IL20RB: variants seen among roughly 807,000 people sequenced by gnomAD.
The protein encoded by IL20RB is interleukin-20 receptor subunit beta.
In IL20RB, 21 loss-of-function variants were observed where a neutral mutation model predicts 33.3. That is an observed-to-expected ratio of 0.63 (90% CI 0.45 to 0.91). The LOEUF is 0.91. IL20RB is among the 40% of genes least tolerant of loss of function. The pLI is 0.00. For missense variants in IL20RB, 345 were observed against 384.8 expected (o/e 0.90, Z 0.86); for synonymous variants, 147 against 146.8 (o/e 1.00, Z -0.01).
At chr3:136,961,717 G>T (rs1476160761) in intron 1 of IL20RB, among the ~76,000 whole-genome samples, 1 of 152,140 alleles carries the variant, frequency 6.6e-6, no homozygotes, top group Admixed American at 6.5e-5. Context: ...TAATGATAAT[G>T]TGCCAGTACT....
Position 136,958,167 on chromosome 3 carries a change from G to T in IL20RB, c.54G>T (p.Trp18Cys), listed in dbSNP as rs1254222712. 9.9e-6 allele frequency: 16 copies of T among 1,611,398 alleles called. No homozygotes were observed. The highest frequency in any genetic ancestry group is 1.2e-5 in the Non-Finnish European group (14 of 1,177,590). Residue 18 changes from tryptophan to cysteine, a missense_variant, in exon 1 of 7, where the codon TGG (tryptophan) becomes TGT (cysteine). By Grantham distance (215) the Trp-to-Cys change is radical. Coordinates refer to ENST00000329582, the MANE Select transcript of IL20RB (RefSeq NM_144717.4). ...LEEIWTSLFM[W>C]FFYALIPCLL... The stretch of plus-strand genomic sequence containing the variant: ...AAATCTGGACAAGTCTTTTCATGTG[G>T]TTTTTCTACGCATTGATTCCATGTT...
intron 1 of IL20RB, among the ~76,000 whole-genome samples, chr3:136,963,551 A>C (rs147805867): frequency 6.6e-6 from 1 of 151,846 alleles, no homozygotes; most frequent in East Asian, 1.9e-4. Flanking sequence ...TAGTGTGCTT[A>C]TTTGCCATCT....
chr3:137,002,607 C>G (rs189223317), intron 6 of IL20RB, among the ~76,000 whole-genome samples: 1 of 151,854 alleles, frequency 6.6e-6, no homozygotes, highest in East Asian at 1.9e-4. Context: ...CCTTTGCCCA[C>G]TTTTTGATGG....
intron 1 of IL20RB, among the ~76,000 whole-genome samples, chr3:136,979,713 C>T (rs565921234): frequency 1.3e-5 from 2 of 152,254 alleles, no homozygotes; most frequent in South Asian, 2.1e-4. Context: ...GCAGTCTTTC[C>T]GGGGTGGACT....
intron 2 of IL20RB, 107 bp downstream of exon 2, chr3:136,980,699 T>C: frequency 8.8e-7 from 1 of 1,134,624 alleles, no homozygotes; most frequent in Non-Finnish European, 1.3e-6. Context: ...CAGGGATAGA[T>C]TATCCCCAAA....
chr3:136,995,634 T>G (rs1382312018), intron 6 of IL20RB, 78 bp downstream of exon 6: 7 of 1,330,656 alleles, frequency 5.3e-6, no homozygotes, highest in Non-Finnish European at 7.5e-6. Flanking sequence ...CATGGGCACA[T>G]GTTTCCATGT....
intron 3 of IL20RB, chr3:136,986,825 T>A (rs1941911967): frequency 2.2e-6 from 1 of 450,842 alleles, no homozygotes; most frequent in Non-Finnish European, 4.4e-6. Context: ...CTGGAGTCTG[T>A]CCCTTCTGAT....
At chr3:136,982,830 T>C (rs1941810148) in intron 3 of IL20RB, among the ~76,000 whole-genome samples, 2 of 152,208 alleles carry the variant, frequency 1.3e-5, no homozygotes, top group Non-Finnish European at 2.9e-5. Context: ...GGGAAATAAA[T>C]AACTTTTCTT....
intron 6 of IL20RB, among the ~76,000 whole-genome samples, chr3:137,002,302 G>C (rs1942261149): frequency 6.6e-6 from 1 of 152,278 alleles, no homozygotes; most frequent in African/African-American, 2.4e-5. Context: ...TAATGGGATT[G>C]CTGGGTCAAA....
intron 1 of IL20RB, chr3:136,959,367 G>T (rs1309116908): frequency 6.6e-6 from 1 of 152,108 alleles, no homozygotes; most frequent in East Asian, 1.9e-4. Context: ...TTGACCCCAG[G>T]TACTTTAGCT....
intron 1 of IL20RB, among the ~76,000 whole-genome samples, chr3:136,970,405 T>C (rs1340328137): frequency 6.6e-6 from 1 of 151,910 alleles, no homozygotes; most frequent in Non-Finnish European, 1.5e-5. Flanking sequence ...TAAAAGCCTA[T>C]TGGATTTTAG....
chr3:136,963,170 T>A (rs1334186941), intron 1 of IL20RB, among the ~76,000 whole-genome samples: 1 of 152,194 alleles, frequency 6.6e-6, no homozygotes, highest in Non-Finnish European at 1.5e-5. Context: ...GTTTCCCCCT[T>A]CCATGGTATG....
In IL20RB at chr3:136,960,296, C is replaced by T. The variant is rs561371856; in HGVS notation, c.88+2095C>T. ...CTGAGTAGCTGGGACTACAGGCACACGCCACCACGCCCAGCTAATTTTTGT... is the reference window on the plus strand; with the variant it reads ...CTGAGTAGCTGGGACTACAGGCACATGCCACCACGCCCAGCTAATTTTTGT... On this transcript the variant is annotated intron_variant, in intron 1 of 6. Transcript: ENST00000329582. 3.0e-4 allele frequency among the ~76,000 whole-genome samples: 45 copies of T among 151,902 alleles called. No homozygotes were observed. The South Asian group carries it at 4.2e-3, about 14-fold the overall frequency.
chr3:136,990,191 G>A (rs963187605), intron 4 of IL20RB, among the ~76,000 whole-genome samples: 5 of 151,976 alleles, frequency 3.3e-5, no homozygotes, highest in African/African-American at 9.7e-5. Context: ...AGTGGAGCAC[G>A]ATCAGGAACT....
intron 1 of IL20RB, among the ~76,000 whole-genome samples, chr3:136,961,198 T>C (rs1207672040): frequency 1.3e-5 from 2 of 152,226 alleles, no homozygotes; most frequent in Admixed American, 6.5e-5. Context: ...TTTAACACCA[T>C]TTATGTACCA....
At position 136,980,563 on chromosome 3, in the gene IL20RB, A is replaced by G. The variant is rs1478874777; in HGVS notation, c.186A>G (p.Glu62=). 1 of 1,614,072 alleles carries G rather than the reference A, an allele frequency of 6.2e-7. No individual in the cohort carries two copies. The highest frequency in any genetic ancestry group is 8.5e-7 in the Non-Finnish European group (1 of 1,180,030). Residue 62 remains glutamate, a synonymous_variant, in exon 2 of 7, where the codon GAA becomes GAG. Coordinates refer to ENST00000329582, the MANE Select transcript of IL20RB (RefSeq NM_144717.4). ...GGAGCCCAGTGATCGCGCCTGGAGA[A>G]ACAGTGTACTATTCTGTCGAATACC... ...LMWSPVIAPG[E]TVYYSVEYQG... is the part of the protein sequence containing the mutation.
intron 6 of IL20RB, among the ~76,000 whole-genome samples, chr3:137,007,824 C>A (rs1932955166): frequency 6.6e-6 from 1 of 152,142 alleles, no homozygotes; most frequent in African/African-American, 2.4e-5. Context: ...ATGAGATGAA[C>A]CAGGTACCTC....
At chr3:136,974,517 G>C (rs1463782057) in intron 1 of IL20RB, among the ~76,000 whole-genome samples, 1 of 151,984 alleles carries the variant, frequency 6.6e-6, no homozygotes, top group Admixed American at 6.6e-5. Context: ...CCACTGATGG[G>C]GTTTCCATCA....
At chr3:136,992,299 G>A (rs1474154447) in intron 5 of IL20RB, among the ~76,000 whole-genome samples, 3 of 152,208 alleles carry the variant, frequency 2.0e-5, no homozygotes, top group Admixed American at 2.0e-4. Context: ...GTGGGGTTAC[G>A]AGCAGCTGTC....
Sources: allele counts gnomAD v4.1 joint callset (sites outside exome capture counted in the v4.1 genomes callset), GRCh38; gene constraint gnomAD v4.1.1; transcripts MANE v1.5; gene names NCBI Gene and HGNC (gene_info 2026-07-23, HGNC 2026-07-21).